The following COX7B2 variants were observed in gnomAD, a reference collection of about 807,000 sequenced individuals.
COX7B2 encodes cytochrome c oxidase subunit 7B2, mitochondrial.
For synonymous variants in COX7B2, 37 were observed against 32.1 expected (o/e 1.15, Z -0.51); for missense variants, 109 against 95.9 (o/e 1.14, Z -0.57).
At chr4:46,818,474 A>G (rs959679664) in intron 2 of COX7B2, among the ~76,000 whole-genome samples, 2 of 151,614 alleles carry the variant, frequency 1.3e-5, no homozygotes, top group East Asian at 3.9e-4. Context: ...TCTACTAAAA[A>G]AAATACAAAA....
chr4:46,750,822 A>C (rs954482109), intron 2 of COX7B2, among the ~76,000 whole-genome samples: 3 of 152,178 alleles, frequency 2.0e-5, no homozygotes, highest in Non-Finnish European at 4.4e-5. Context: ...AAATAGTGGA[A>C]AGAAAGCTCA....
intron 1 of COX7B2, among the ~76,000 whole-genome samples, chr4:46,895,198 T>A (rs1719678077): frequency 6.6e-6 from 1 of 152,176 alleles, no homozygotes; most frequent in Admixed American, 6.6e-5. Context: ...CAATGTTCAC[T>A]GCAACACTAT....
At chr4:46,890,259 G>A (rs541783890) in intron 1 of COX7B2, among the ~76,000 whole-genome samples, 1 of 152,274 alleles carries the variant, frequency 6.6e-6, no homozygotes, top group African/African-American at 2.4e-5. Flanking sequence ...TTCTAGTAGA[G>A]ATTAGCTGCT....
chr4:46,746,334 C>T (rs1261259065), intron 2 of COX7B2, among the ~76,000 whole-genome samples: 1 of 152,188 alleles, frequency 6.6e-6, no homozygotes, highest in African/African-American at 2.4e-5. Flanking sequence ...GAGAGCCAAA[C>T]TCATATATGT....
chr4:46,803,872 A>G lies in COX7B2; in HGVS notation c.-50+41088T>C, dbSNP rs977387766. Among the ~76,000 whole-genome samples the G allele has an allele frequency of 5.3e-5, 8 of 152,142 alleles. No homozygotes were observed. The East Asian group carries it at 1.4e-3, about 26-fold the overall frequency. On this transcript the variant is annotated intron_variant, in intron 2 of 2. Coordinates refer to ENST00000355591, the MANE Select transcript of COX7B2 (RefSeq NM_130902.3). ...GCTTTCTAGAGCAATCTTCTCTACTAAATCTTGCCTTTGTGCTACTTTCGA... is the reference window on the plus strand; with the variant it reads ...GCTTTCTAGAGCAATCTTCTCTACTGAATCTTGCCTTTGTGCTACTTTCGA...
chr4:46,781,750 G>T (rs1717464959), intron 2 of COX7B2, among the ~76,000 whole-genome samples: 1 of 152,222 alleles, frequency 6.6e-6, no homozygotes, highest in Non-Finnish European at 1.5e-5. Context: ...GTGGGCGCAG[G>T]CTCAGCAGGC....
chr4:46,780,172 T>C (rs114726151), intron 2 of COX7B2, among the ~76,000 whole-genome samples: 67 of 152,120 alleles, frequency 4.4e-4, no homozygotes, highest in Non-Finnish European at 6.8e-4. Context: ...ATATGGTAGA[T>C]CCAGTAATCA....
At chr4:46,886,174 A>T (rs1302022825) in intron 1 of COX7B2, among the ~76,000 whole-genome samples, 10 of 152,212 alleles carry the variant, frequency 6.6e-5, no homozygotes, top group Non-Finnish European at 1.5e-4. Flanking sequence ...GTTAAAAATG[A>T]CTCATTCAGA....
intron 2 of COX7B2, among the ~76,000 whole-genome samples, chr4:46,831,620 CCTGT>C (rs1268483334): frequency 1.3e-5 from 2 of 151,960 alleles, no homozygotes; most frequent in Admixed American, 6.6e-5. Flanking sequence ...CAATCAGCAT[CCTGT>C]CTATTTCAGG....
intron 2 of COX7B2, among the ~76,000 whole-genome samples, chr4:46,834,374 T>C (rs1300640814): frequency 6.6e-5 from 10 of 152,064 alleles, no homozygotes; most frequent in Non-Finnish European, 1.5e-4. Context: ...TTGAAATACA[T>C]TTTACAGCTA....
At chr4:46,861,259 C>T (rs1717318035) in intron 1 of COX7B2, among the ~76,000 whole-genome samples, 2 of 152,138 alleles carry the variant, frequency 1.3e-5, no homozygotes, top group African/African-American at 2.4e-5. Context: ...TATCACTCCA[C>T]TGCCCACTCA....
intron 2 of COX7B2, among the ~76,000 whole-genome samples, chr4:46,778,424 T>C (rs1357397238): frequency 1.3e-5 from 2 of 152,158 alleles, no homozygotes; most frequent in African/African-American, 4.8e-5. Context: ...GGTATTTTCT[T>C]ATGGTAACAC....
At chr4:46,782,934 G>C (rs1297858306) in intron 2 of COX7B2, among the ~76,000 whole-genome samples, 1 of 151,924 alleles carries the variant, frequency 6.6e-6, no homozygotes, top group Non-Finnish European at 1.5e-5. Context: ...AGGGTCCGCG[G>C]CTTCATTCTT....
intron 1 of COX7B2, among the ~76,000 whole-genome samples, chr4:46,905,566 C>T (rs1439102486): frequency 2.0e-5 from 3 of 152,190 alleles, no homozygotes; most frequent in African/African-American, 7.2e-5. Context: ...GAGTAAAATG[C>T]ACTCAGTATA....
At chr4:46,888,506 C>T (rs376544865) in intron 1 of COX7B2, among the ~76,000 whole-genome samples, 18 of 151,124 alleles carry the variant, frequency 1.2e-4, no homozygotes, top group Non-Finnish European at 1.8e-4. Flanking sequence ...TGCAGTGGCG[C>T]GATCTAGGCT....
intron 2 of COX7B2, among the ~76,000 whole-genome samples, chr4:46,806,611 T>C (rs556582241): frequency 1.6e-4 from 25 of 152,230 alleles, no homozygotes; most frequent in African/African-American, 3.8e-4. Flanking sequence ...ATAGTCATTA[T>C]GCTGCACATT....
intron 1 of COX7B2, among the ~76,000 whole-genome samples, chr4:46,885,684 C>T (rs1296498800): frequency 6.6e-6 from 1 of 152,104 alleles, no homozygotes; most frequent in African/African-American, 2.4e-5. Flanking sequence ...CAAAACTGCG[C>T]TTGATTATTC....
rs761904309 is a variant in COX7B2 at position 46,905,814 on chromosome 4, C to CTTTTT, written c.-105+3341_-105+3345dup. ...TACCATCTCTGATAAGCATATATTTCTTTTTTTTTTTTTTTTTTTTTTTTT... is the reference window on the plus strand; with the variant it reads ...TACCATCTCTGATAAGCATATATTTCTTTTTTTTTTTTTTTTTTTTTTTTTTTTTT... On this transcript the variant is annotated intron_variant, in intron 1 of 2. Transcript: ENST00000355591. 8.8e-4 allele frequency among the ~76,000 whole-genome samples: 63 copies of CTTTTT among 71,688 alleles called. 13 individuals carry two copies. Among genetic ancestry groups the CTTTTT allele is most frequent in the African/African-American group, 2.3e-3 (43 of 18,556 alleles). 47.0% of individuals were successfully genotyped at this position (71,688 alleles called of 152,430 possible).
intron 2 of COX7B2, among the ~76,000 whole-genome samples, chr4:46,754,149 G>C (rs534501518): frequency 6.6e-6 from 1 of 152,100 alleles, no homozygotes; most frequent in Admixed American, 6.6e-5. Context: ...GTGGAAGTCA[G>C]TGTGGCGATT....
Sources: gnomAD v4.1 joint callset for allele counts (sites outside exome capture counted in the v4.1 genomes callset) on GRCh38, gnomAD v4.1.1 for gene constraint, MANE v1.5 for transcripts, NCBI Gene and HGNC (gene_info 2026-07-23, HGNC 2026-07-21) for gene names.